TANGO6: variants seen among roughly 807,000 people sequenced by gnomAD.
TANGO6 encodes the protein transport and Golgi organization protein 6 homolog.
A neutral mutation model predicts 114.2 loss-of-function variants in TANGO6; 90 were observed. The ratio of observed to expected loss-of-function variants is 0.79; its 90% CI spans 0.66 to 0.94. TANGO6 has a LOEUF of 0.94. Among genes scored for constraint, TANGO6 ranks in the 40% least tolerant of loss-of-function variants. The pLI is 0.00. For missense variants in TANGO6, 1,274 were observed against 1,315.3 expected (o/e 0.97, Z 0.49); for synonymous variants, 477 against 509.8 (o/e 0.94, Z 0.87).
At chr16:68,907,348 G>A in intron 9 of TANGO6, 95 bp from the exon 10 acceptor site, 1 of 1,293,584 alleles carries the variant, frequency 7.7e-7, no homozygotes, top group Non-Finnish European at 1.0e-6. Context: ...TTAACTGTTT[G>A]GACATAACAT....
At chr16:69,018,267 C>A (rs1455861071) in intron 15 of TANGO6, among the ~76,000 whole-genome samples, 2 of 150,996 alleles carry the variant, frequency 1.3e-5, no homozygotes, top group African/African-American at 2.4e-5. Context: ...CCTCAGCCAC[C>A]CGAGTAGCTG....
At chr16:68,952,141 T>G (rs986206284) in intron 14 of TANGO6, among the ~76,000 whole-genome samples, 4 of 152,182 alleles carry the variant, frequency 2.6e-5, no homozygotes, top group Non-Finnish European at 5.9e-5. Context: ...CTTTACAAGC[T>G]ATTAAGGAGG....
At chr16:68,882,282 G>T (rs568415992) in intron 7 of TANGO6, among the ~76,000 whole-genome samples, 1 of 152,140 alleles carries the variant, frequency 6.6e-6, no homozygotes, top group Non-Finnish European at 1.5e-5. Flanking sequence ...AGATCACGAG[G>T]TCAGGAGATT....
At chr16:68,988,518 A>G (rs1963917431) in intron 15 of TANGO6, among the ~76,000 whole-genome samples, 1 of 152,084 alleles carries the variant, frequency 6.6e-6, no homozygotes, top group Non-Finnish European at 1.5e-5. Flanking sequence ...AGCCCATTTT[A>G]TAAGTGTTTT....
chr16:68,905,726 A>T (rs891373892), intron 9 of TANGO6, among the ~76,000 whole-genome samples: 1 of 151,790 alleles, frequency 6.6e-6, no homozygotes, highest in Non-Finnish European at 1.5e-5. Flanking sequence ...TACAAAAATT[A>T]GTTGGTTGTG....
At chr16:68,913,779 G>A (rs1473263012) in intron 11 of TANGO6, among the ~76,000 whole-genome samples, 5 of 151,984 alleles carry the variant, frequency 3.3e-5, no homozygotes, top group African/African-American at 1.2e-4. Context: ...AACCCTGGAT[G>A]GACAGGAAGC....
chr16:69,055,313 C>T (rs751610584), intron 17 of TANGO6, among the ~76,000 whole-genome samples: 4 of 152,154 alleles, frequency 2.6e-5, no homozygotes. Flanking sequence ...GGGGGGTCAG[C>T]GACTCAGAAT....
chr16:68,946,489 C>G (rs971764413), intron 14 of TANGO6, among the ~76,000 whole-genome samples: 1 of 152,074 alleles, frequency 6.6e-6, no homozygotes, highest in Non-Finnish European at 1.5e-5. Flanking sequence ...CCACCGCGCC[C>G]GGCCTTTTCT....
chr16:68,977,967 T>C (rs80322053), intron 15 of TANGO6, among the ~76,000 whole-genome samples: 1 of 152,194 alleles, frequency 6.6e-6, no homozygotes, highest in African/African-American at 2.4e-5. Context: ...ATTACAGGTG[T>C]GAGCCACTGC....
intron 17 of TANGO6, among the ~76,000 whole-genome samples, chr16:69,074,898 T>C (rs1221107607): frequency 6.6e-6 from 1 of 151,670 alleles, no homozygotes; most frequent in Non-Finnish European, 1.5e-5. Context: ...CCCAGGCTAG[T>C]GTGAGGTGGC....
At chr16:69,026,769 G>A (rs9302597) in intron 16 of TANGO6, 3,229 of 152,748 alleles carry the variant, frequency 0.021, 123 homozygotes, top group African/African-American at 0.074. Flanking sequence ...GGAGTGCAGT[G>A]GCGTGATCTT....
intron 14 of TANGO6, among the ~76,000 whole-genome samples, chr16:68,954,651 C>T (rs192831332): frequency 6.6e-6 from 1 of 152,302 alleles, no homozygotes; most frequent in East Asian, 1.9e-4. Context: ...TCAGTCTCTC[C>T]TTAAGCCTAC....
At chr16:68,944,037 G>A (rs780377925) in intron 14 of TANGO6, among the ~76,000 whole-genome samples, 5 of 152,068 alleles carry the variant, frequency 3.3e-5, no homozygotes, top group Non-Finnish European at 7.4e-5. Flanking sequence ...GTCCGGGTTG[G>A]GTTTGGTTTT....
chr16:68,896,346 C>T lies in TANGO6; in HGVS notation c.1378-4088C>T, dbSNP rs949006018. On this transcript the variant is annotated intron_variant, in intron 7 of 17. Transcript: ENST00000261778. ...TTTATTTTAATTAATTTTTTAGAGACGGAATCTTGTTCTGTTGCTTGGGCT... is the reference window on the plus strand; with the variant it reads ...TTTATTTTAATTAATTTTTTAGAGATGGAATCTTGTTCTGTTGCTTGGGCT... Among the ~76,000 whole-genome samples, 9 of 151,746 alleles carry T rather than the reference C, an allele frequency of 5.9e-5. No individual in the cohort carries two copies. The East Asian group carries it at 7.8e-4, about 13-fold the overall frequency.
Position 68,875,293 on chromosome 16 carries a change from A to G in TANGO6, c.1131+3A>G. On this transcript the variant is annotated splice_donor_region_variant and intron_variant, in intron 5 of 17. Transcript: ENST00000261778. ...ACTACAGGGACATCTGCCCCCAGGT[A>G]AATCTTTTTGTTTCTATTGATCATT... 1 of 1,611,518 alleles carries G rather than the reference A, an allele frequency of 6.2e-7. No individual in the cohort carries two copies. The highest frequency in any genetic ancestry group is 8.5e-7 in the Non-Finnish European group (1 of 1,178,364).
intron 17 of TANGO6, among the ~76,000 whole-genome samples, chr16:69,051,946 C>CTTTTT (rs35401100): frequency 7.4e-6 from 1 of 135,336 alleles, no homozygotes; most frequent in Non-Finnish European, 1.6e-5. Flanking sequence ...CTTTCTTTTT[C>CTTTTT]TTTTTTTTTT....
intron 4 of TANGO6, among the ~76,000 whole-genome samples, chr16:68,874,038 T>G (rs1269965059): frequency 6.6e-6 from 1 of 152,194 alleles, no homozygotes; most frequent in Non-Finnish European, 1.5e-5. Context: ...CTTCCCAGCC[T>G]TTATGAACCG....
intron 15 of TANGO6, among the ~76,000 whole-genome samples, chr16:69,022,129 G>A (rs999094847): frequency 4.0e-5 from 6 of 151,680 alleles, no homozygotes; most frequent in East Asian, 1.9e-4. Flanking sequence ...CTCGTGATCC[G>A]CCCACCTCGG....
chr16:68,859,831 A>C (rs889598933), intron 1 of TANGO6, 53 bp from the exon 2 acceptor site: 13 of 1,495,230 alleles, frequency 8.7e-6, no homozygotes, highest in South Asian at 1.4e-5. Flanking sequence ...CACAGGGGGA[A>C]GTGCAGCTTG....
Sources: gnomAD v4.1 joint callset for allele counts (sites outside exome capture counted in the v4.1 genomes callset) on GRCh38, gnomAD v4.1.1 for gene constraint, MANE v1.5 for transcripts, NCBI Gene and HGNC (gene_info 2026-07-23, HGNC 2026-07-21) for gene names.